ZNF157: variants seen among roughly 807,000 people sequenced by gnomAD.
The protein encoded by ZNF157 is zinc finger protein 157.
ZNF157 carries 8 observed loss-of-function variants against 9.4 expected under a neutral mutation model. That is an observed-to-expected ratio of 0.85 (90% CI 0.50 to 1.53). The LOEUF is 1.53. ZNF157 is among the 40% of genes most tolerant of loss of function. The pLI is 0.00. For missense variants in ZNF157, 316 were observed against 385.2 expected, an observed-to-expected ratio of 0.82 and a Z score of 1.50; for synonymous variants, 120 against 130.8, an observed-to-expected ratio of 0.92 and a Z score of 0.56.
intron 1 of ZNF157, among the ~76,000 whole-genome samples, chrX:47,394,732 G>A (rs2055908207): frequency 8.9e-6 from 1 of 111,830 alleles, no homozygotes; most frequent in African/African-American, 3.2e-5. Flanking sequence ...GCGGGATGAT[G>A]TTTGTATTCT....
intron 1 of ZNF157, among the ~76,000 whole-genome samples, chrX:47,400,643 C>G (rs2055927932): frequency 9.0e-6 from 1 of 111,279 alleles, no homozygotes; most frequent in Non-Finnish European, 1.9e-5. Context: ...GTAGTATCTT[C>G]TGTTTCTTTT....
chrX:47,379,064 C>T (rs1272821954), intron 1 of ZNF157, among the ~76,000 whole-genome samples: 3 of 111,262 alleles, frequency 2.7e-5, no homozygotes, highest in Non-Finnish European at 5.6e-5. Context: ...CTGTCATCAG[C>T]GTCTTTCACA....
At chrX:47,403,174 G>A (rs1382444607) in intron 1 of ZNF157, among the ~76,000 whole-genome samples, 2 of 109,327 alleles carry the variant, frequency 1.8e-5, no homozygotes, top group Non-Finnish European at 3.8e-5. Context: ...CTACTAGAGA[G>A]GCTGAGGCAG....
chrX:47,381,805 C>G (rs770475455), intron 1 of ZNF157, among the ~76,000 whole-genome samples: 4 of 112,017 alleles, frequency 3.6e-5, no homozygotes, highest in Non-Finnish European at 7.5e-5. Flanking sequence ...CACAAAAACA[C>G]AAGAAGTTAT....
At chrX:47,377,950 C>A (rs1011005041) in intron 1 of ZNF157, among the ~76,000 whole-genome samples, 1 of 109,865 alleles carries the variant, frequency 9.1e-6, no homozygotes, top group African/African-American at 3.3e-5. Flanking sequence ...GTTCTTTGTA[C>A]GTTTTGGATA....
intron 1 of ZNF157, among the ~76,000 whole-genome samples, chrX:47,400,645 GTTTCT>G (rs2055927951): frequency 9.0e-6 from 1 of 111,468 alleles, no homozygotes; most frequent in Non-Finnish European, 1.9e-5. Context: ...AGTATCTTCT[GTTTCT>G]TTTCTTTTCT....
chrX:47,373,637 C>T (rs1441702306), intron 1 of ZNF157, among the ~76,000 whole-genome samples: 1 of 110,055 alleles, frequency 9.1e-6, no homozygotes. Flanking sequence ...AACTTATCTG[C>T]ATCTTCTTTT....
intron 1 of ZNF157, among the ~76,000 whole-genome samples, chrX:47,403,057 T>G (rs1224941787): frequency 9.5e-6 from 1 of 105,616 alleles, no homozygotes; most frequent in Non-Finnish European, 1.9e-5. Context: ...AATCAGGAGT[T>G]CGAGACCAGC....
At chrX:47,394,318 T>C (rs1254564591) in intron 1 of ZNF157, among the ~76,000 whole-genome samples, 1 of 111,198 alleles carries the variant, frequency 9.0e-6, no homozygotes, top group African/African-American at 3.3e-5. Context: ...AGTGCTGGGA[T>C]TATAGGCATG....
At chrX:47,379,132 G>C (rs1429797080) in intron 1 of ZNF157, among the ~76,000 whole-genome samples, 3 of 108,898 alleles carry the variant, frequency 2.8e-5, no homozygotes, top group Non-Finnish European at 3.8e-5. Context: ...TTCTTTCACA[G>C]GTCATACTTT....
chrX:47,410,791 G>A lies in ZNF157; in HGVS notation c.295+16G>A. ...GGTTACTCAGGTAAGTACTGGGCAA[G>A]AACTGGACATATGGAAAATAGGGGA... On this transcript the variant is annotated intron_variant, in intron 3 of 3. Coordinates refer to ENST00000377073, the MANE Select transcript of ZNF157 (RefSeq NM_003446.4). The A allele has an allele frequency of 8.6e-7, 1 of 1,159,262 alleles. No individual in the cohort carries two copies. The highest frequency in any genetic ancestry group is 1.2e-6 in the Non-Finnish European group (1 of 854,137).
chrX:47,372,494 CTTT>C (rs35123428), intron 1 of ZNF157, among the ~76,000 whole-genome samples: 7 of 85,804 alleles, frequency 8.2e-5, no homozygotes, highest in African/African-American at 4.4e-5. Flanking sequence ...TATTTGTATT[CTTT>C]TTTTTTTTTT....
chrX:47,395,730 C>T (rs185369659), intron 1 of ZNF157, among the ~76,000 whole-genome samples: 43 of 111,362 alleles, frequency 3.9e-4, no homozygotes, highest in Admixed American at 8.7e-4. Flanking sequence ...TTTGGGAGGC[C>T]GAGGTGGGAG....
At chrX:47,380,318 C>T (rs1253213360) in intron 1 of ZNF157, among the ~76,000 whole-genome samples, 1 of 110,828 alleles carries the variant, frequency 9.0e-6, no homozygotes, top group Non-Finnish European at 1.9e-5. Context: ...GCAAACTACA[C>T]TTGGAAGAGG....
intron 1 of ZNF157, among the ~76,000 whole-genome samples, chrX:47,375,395 A>ACC (rs201896320): frequency 3.3e-4 from 35 of 106,451 alleles, no homozygotes; most frequent in Middle Eastern, 5.0e-3. Flanking sequence ...CACCTCCTCA[A>ACC]CCCCCCCCAC....
At chrX:47,378,471 T>C (rs1303591737) in intron 1 of ZNF157, among the ~76,000 whole-genome samples, 1 of 111,950 alleles carries the variant, frequency 8.9e-6, no homozygotes, top group Admixed American at 9.6e-5. Flanking sequence ...ACAAAGGCAG[T>C]CTAATCCCCA....
chrX:47,391,344 ACT>A (rs2055896504), intron 1 of ZNF157: 1 of 110,850 alleles, frequency 9.0e-6, no homozygotes, highest in Admixed American at 9.7e-5. Context: ...CTTTTGGTTT[ACT>A]CTCTTATCTG....
In ZNF157 at chrX:47,370,620, A is replaced by G. The variant is rs376036700; in HGVS notation, c.-49A>G. 8.7e-7 allele frequency: 1 copy of G among 1,149,645 alleles called. No homozygotes were observed. The highest frequency in any genetic ancestry group is 3.0e-5 in the East Asian group (1 of 32,897). The allele number at this position is 1,149,645 out of a possible 1,213,427, so 94.7% of individuals were successfully genotyped here. On this transcript the variant is annotated 5_prime_UTR_variant, in exon 1 of 4. Coordinates refer to ENST00000377073, the MANE Select transcript of ZNF157 (RefSeq NM_003446.4). ...TACTGGAGGCTGCAGGACCCTCTAC[A>G]CACAGACAGCTGTCCAGCACGGAAG... is the stretch of plus-strand genomic sequence containing the variant.
At position 47,372,556 on chromosome X, in the gene ZNF157, G is replaced by A. The variant is rs781330472; in HGVS notation, c.72+1816G>A. Among the ~76,000 whole-genome samples the A allele has an allele frequency of 3.8e-5, 4 of 104,276 alleles. No homozygotes were observed. The East Asian group carries it at 1.2e-3, about 32-fold the overall frequency. 90.6% of individuals were successfully genotyped at this position (104,276 alleles called of 115,157 possible). A position where few individuals can be genotyped will look rare whatever the true frequency, so the allele number is the denominator to read the frequency against. ...GTTGCACAGGCTGGAGTGCAATGGC[G>A]TGATCTTGGCTCACTGCAAACTCCA... On this transcript the variant is annotated intron_variant, in intron 1 of 3. Coordinates refer to ENST00000377073, the MANE Select transcript of ZNF157 (RefSeq NM_003446.4).
Sources: gnomAD v4.1 joint callset for allele counts (sites outside exome capture counted in the v4.1 genomes callset) on GRCh38, gnomAD v4.1.1 for gene constraint, MANE v1.5 for transcripts, NCBI Gene and HGNC (gene_info 2026-07-23, HGNC 2026-07-21) for gene names.